AFF1: variants seen among roughly 807,000 people sequenced by gnomAD.
AFF1 encodes the protein ALF transcription elongation factor 1, also known as AF4/FMR2 family member 1.
A neutral mutation model predicts 121.7 loss-of-function variants in AFF1; 48 were observed. The observed-to-expected ratio is 0.39, with a 90% CI of 0.31 to 0.50. The LOEUF is 0.50. Among genes scored for constraint, AFF1 ranks in the 20% least tolerant of loss-of-function variants. The pLI is 0.76. For synonymous variants in AFF1, 613 were observed against 563.0 expected, an observed-to-expected ratio of 1.09 and a Z score of -1.26; for missense variants, 1,523 against 1,511.7, an observed-to-expected ratio of 1.01 and a Z score of -0.12.
At position 87,086,794 on chromosome 4, in the gene AFF1, A is replaced by G. The variant is rs374094680; in HGVS notation, c.1104+2630A>G. On this transcript the variant is annotated intron_variant, in intron 5 of 20. Transcript: ENST00000395146. ...CTCATCTTGTACCAGCAATTTATTAAGATTGCCAGGAATCCAAACACAAAT... is the reference window on the plus strand; with the variant it reads ...CTCATCTTGTACCAGCAATTTATTAGGATTGCCAGGAATCCAAACACAAAT... 7.2e-5 allele frequency among the ~76,000 whole-genome samples: 11 copies of G among 152,294 alleles called. No individual in the cohort carries two copies. In the East Asian group the frequency reaches 9.6e-4, roughly 13 times the overall value.
intron 8 of AFF1, among the ~76,000 whole-genome samples, chr4:87,104,145 G>T (rs964134211): frequency 6.6e-6 from 1 of 152,260 alleles, no homozygotes; most frequent in Admixed American, 6.5e-5. Context: ...GGTGGCTCAC[G>T]CCTGTAACCC....
rs935910662 is a variant in AFF1 at position 87,138,743 on chromosome 4, A to G, written c.*3042A>G. 8.7e-6 allele frequency: 2 copies of G among 230,880 alleles called. No homozygotes were observed. Among genetic ancestry groups the G allele is most frequent in the African/African-American group, 4.4e-5 (2 of 45,244 alleles). The allele number at this position is 230,880 out of a possible 1,614,324, so 14.3% of individuals were successfully genotyped here. On this transcript the variant is annotated 3_prime_UTR_variant, in exon 21 of 21. Transcript: ENST00000395146. ...GCAAGCATTTATCAGAAATAGAATC[A>G]CAATAGGAGGAGAATTTGACTGTCT...
Position 87,131,159 on chromosome 4 carries a change from C to T in AFF1, c.3041C>T (p.Ser1014Phe), listed in dbSNP as rs751438023. ...SFIECGIATESESQSSKSAYS... is the reference protein window; with the variant it reads ...SFIECGIATEFESQSSKSAYS... ...ATTGAGTGCGGAATTGCCACAGAGT[C>T]TGAAAGCCAGTCATCCAAGTCAGCT... Residue 1014 changes from serine (S) to phenylalanine (F), a missense_variant, in exon 17 of 21, where the codon TCT (serine) becomes TTT (phenylalanine). This residue lies in a region of AFF1 where 241 missense variants were observed against 265.2 expected (regional missense o/e 0.91). Coordinates refer to ENST00000395146, the MANE Select transcript of AFF1 (RefSeq NM_001166693.3). 2.5e-6 allele frequency: 4 copies of T among 1,614,210 alleles called. No homozygotes were observed. The East Asian group carries it at 8.9e-5, about 36-fold the overall frequency.
At chr4:87,108,339 G>A (rs746312268) in intron 11 of AFF1, 24 bp downstream of exon 11, 16 of 1,607,012 alleles carry the variant, frequency 1.0e-5, no homozygotes, top group African/African-American at 4.0e-5. Flanking sequence ...CCTCGAGATG[G>A]CCACCTTAGA....
At chr4:87,109,352 A>G (rs181852183) in intron 11 of AFF1, among the ~76,000 whole-genome samples, 5 of 152,308 alleles carry the variant, frequency 3.3e-5, no homozygotes, top group African/African-American at 9.6e-5. Context: ...ACTGGCTGTC[A>G]TTTTCTGTTA....
intron 2 of AFF1, among the ~76,000 whole-genome samples, chr4:86,969,697 G>C (rs1409289142): frequency 1.3e-5 from 2 of 151,204 alleles, no homozygotes; most frequent in Non-Finnish European, 2.9e-5. Flanking sequence ...TGGCTAACAC[G>C]GTGAAACCCC....
chr4:87,111,599 C>T (rs60757751), intron 11 of AFF1, among the ~76,000 whole-genome samples: 27,561 of 152,060 alleles, frequency 0.18, 2,720 homozygotes, highest in Middle Eastern at 0.3. Flanking sequence ...AGTGATCCAC[C>T]CACCTCGGCC....
chr4:87,042,744 A>G (rs1204680997), intron 2 of AFF1, among the ~76,000 whole-genome samples: 1 of 152,258 alleles, frequency 6.6e-6, no homozygotes, highest in East Asian at 1.9e-4. Flanking sequence ...CCTTAATTTA[A>G]TAGGATTTCC....
At chr4:87,081,153 T>G (rs1226469281) in intron 4 of AFF1, among the ~76,000 whole-genome samples, 1 of 7,030 alleles carries the variant, frequency 1.4e-4, no homozygotes, top group Non-Finnish European at 3.2e-4. Flanking sequence ...ATGAAATGAA[T>G]TTTTTTTTTT....
chr4:87,101,598 C>A (rs1236305762), intron 8 of AFF1, among the ~76,000 whole-genome samples: 4 of 144,412 alleles, frequency 2.8e-5, no homozygotes, highest in Non-Finnish European at 4.6e-5. Flanking sequence ...AAAAAAAATC[C>A]TGGGATTCTG....
At chr4:86,969,465 C>A (rs754299335) in intron 2 of AFF1, among the ~76,000 whole-genome samples, 1 of 151,422 alleles carries the variant, frequency 6.6e-6, no homozygotes, top group African/African-American at 2.4e-5. Flanking sequence ...GGCAACAGAG[C>A]GAGCTTCCAT....
intron 4 of AFF1, among the ~76,000 whole-genome samples, chr4:87,049,062 G>A (rs1442157264): frequency 2.9e-4 from 33 of 112,320 alleles, no homozygotes; most frequent in Non-Finnish European, 4.9e-4. Context: ...AATAGGGTTA[G>A]CTGTATGTTC....
At chr4:86,982,594 A>C (rs550788190) in intron 2 of AFF1, among the ~76,000 whole-genome samples, 30 of 151,294 alleles carry the variant, frequency 2.0e-4, no homozygotes, top group African/African-American at 7.3e-4. Context: ...GTGGTGGCTC[A>C]TGCACTTTGG....
chr4:86,985,225 T>G (rs1361697166), intron 2 of AFF1, among the ~76,000 whole-genome samples: 1 of 102,986 alleles, frequency 9.7e-6, no homozygotes, highest in African/African-American at 5.0e-5. Flanking sequence ...AAAATTATAT[T>G]TTAGGCCGGG....
chr4:87,014,706 A>C (rs558612638), intron 2 of AFF1, among the ~76,000 whole-genome samples: 1 of 152,342 alleles, frequency 6.6e-6, no homozygotes, highest in African/African-American at 2.4e-5. Context: ...TGTGGTCAAG[A>C]CAGACCCAAG....
At chr4:86,942,621 T>C (rs1006540994) in intron 1 of AFF1, among the ~76,000 whole-genome samples, 9 of 152,240 alleles carry the variant, frequency 5.9e-5, no homozygotes, top group Non-Finnish European at 1.2e-4. Context: ...TGTATCTTGA[T>C]TTACCTGCTT....
chr4:87,053,823 A>G (rs1731494186), intron 4 of AFF1, among the ~76,000 whole-genome samples: 1 of 152,238 alleles, frequency 6.6e-6, no homozygotes, highest in Non-Finnish European at 1.5e-5. Context: ...AAGCTTTGAC[A>G]AGTGCTATAA....
chr4:87,088,030 G>C (rs1039692701), intron 5 of AFF1, among the ~76,000 whole-genome samples: 1 of 152,162 alleles, frequency 6.6e-6, no homozygotes, highest in Non-Finnish European at 1.5e-5. Flanking sequence ...CTTCTGTGCA[G>C]TATTCATTCA....
intron 2 of AFF1, among the ~76,000 whole-genome samples, chr4:86,959,187 G>A (rs1333385086): frequency 6.6e-6 from 1 of 152,128 alleles, no homozygotes; most frequent in Non-Finnish European, 1.5e-5. Flanking sequence ...ATGGAAGTTA[G>A]CACTAAAAGC....
Sources: allele counts gnomAD v4.1 joint callset (sites outside exome capture counted in the v4.1 genomes callset), GRCh38; gene constraint gnomAD v4.1.1; regional missense constraint gnomAD v4.1.1; transcripts MANE v1.5; gene names NCBI Gene and HGNC (gene_info 2026-07-23, HGNC 2026-07-21).